RNF32: variants seen among roughly 807,000 people sequenced by gnomAD.
The protein encoded by RNF32 is ring finger protein 32.
A neutral mutation model predicts 41.0 loss-of-function variants in RNF32; 36 were observed. The observed-to-expected ratio is 0.88, with a 90% CI of 0.67 to 1.16. The LOEUF is 1.16. RNF32 is among the 50% of genes most tolerant of loss of function. The pLI, the probability that RNF32 is intolerant of heterozygous loss-of-function variation, is 0.00. For synonymous variants in RNF32, 154 were observed against 160.9 expected (o/e 0.96, Z 0.32); for missense variants, 413 against 436.7 (o/e 0.95, Z 0.48).
rs577991228 is a variant in RNF32 at position 156,659,512 on chromosome 7, C to A, written c.684+942C>A. 375 of 985,316 alleles carry A rather than the reference C, an allele frequency of 3.8e-4. 6 individuals are homozygous for A. The South Asian group carries it at 0.014, about 37-fold the overall frequency. The allele number at this position is 985,316 out of a possible 1,614,324, so 61.0% of individuals were successfully genotyped here. On this transcript the variant is annotated intron_variant, in intron 7 of 8. Coordinates refer to ENST00000317955, the MANE Select transcript of RNF32 (RefSeq NM_030936.4). ...ACAGTCAGTTGTGTTCTCTGGGCTACTCTTAGTAATTTCTAATATGTCATA... is the reference window on the plus strand; with the variant it reads ...ACAGTCAGTTGTGTTCTCTGGGCTAATCTTAGTAATTTCTAATATGTCATA...
rs1011107964 is a variant in RNF32 at position 156,659,104 on chromosome 7, T to C, written c.684+534T>C. On this transcript the variant is annotated intron_variant, in intron 7 of 8. Coordinates refer to ENST00000317955, the MANE Select transcript of RNF32 (RefSeq NM_030936.4). Reference sequence around the variant, plus strand: ...TAGTTTTACTTTTGGGGGACTTATTTAACAATTTCCCATTCCTTGTCCCCA... The same window carrying C: ...TAGTTTTACTTTTGGGGGACTTATTCAACAATTTCCCATTCCTTGTCCCCA... 4 of 1,356,678 alleles carry C rather than the reference T, an allele frequency of 2.9e-6. No individual in the cohort carries two copies. In the Admixed American group the frequency reaches 1.4e-4, roughly 49 times the overall value. 84.0% of individuals were successfully genotyped at this position (1,356,678 alleles called of 1,614,324 possible).
chr7:156,658,894 C>G (rs1477799291), intron 7 of RNF32: 11 of 1,549,404 alleles, frequency 7.1e-6, no homozygotes, highest in East Asian at 2.4e-5. Context: ...TAATTTTTCC[C>G]ATCTCCTGGG....
chr7:156,644,844 A>G, intron 3 of RNF32, 87 bp downstream of exon 3: 1 of 1,357,848 alleles, frequency 7.4e-7, no homozygotes, highest in Non-Finnish European at 1.0e-6. Flanking sequence ...ATGTTACAGA[A>G]ATAACTTATT....
chr7:156,659,932 G>A (rs1800359531), intron 7 of RNF32: 5 of 985,454 alleles, frequency 5.1e-6, no homozygotes, highest in Non-Finnish European at 6.0e-6. Context: ...GATCAAACAA[G>A]TTCCTCAGTT....
At chr7:156,657,276 C>T (rs1002228394) in intron 4 of RNF32, among the ~76,000 whole-genome samples, 25 of 152,046 alleles carry the variant, frequency 1.6e-4, no homozygotes, top group Admixed American at 1.5e-3. Context: ...GTCATTGTTT[C>T]GCTCTTAAGT....
At chr7:156,675,892 G>T in intron 8 of RNF32, 29 bp downstream of exon 8, 1 of 1,602,868 alleles carries the variant, frequency 6.2e-7, no homozygotes. Context: ...CTGGCAACCA[G>T]CAGACTCAGC....
chr7:156,676,994 TTA>T lies in RNF32; in HGVS notation c.*340_*341del. On this transcript the variant is annotated 3_prime_UTR_variant, in exon 9 of 9. Transcript: ENST00000317955. ...GTAAGTTCCAAATGTAAAACACTCCTTAAGTTCCAAATGTTTTCCGCTAATAG... is the reference window on the plus strand; with the variant it reads ...GTAAGTTCCAAATGTAAAACACTCCTAGTTCCAAATGTTTTCCGCTAATAG... 1 of 223,118 alleles carries T rather than the reference TTA, an allele frequency of 4.5e-6. No individual in the cohort carries two copies. The highest frequency in any genetic ancestry group is 9.0e-6 in the Non-Finnish European group (1 of 110,868). The allele number at this position is 223,118 out of a possible 1,614,324, so 13.8% of individuals were successfully genotyped here.
intron 7 of RNF32, among the ~76,000 whole-genome samples, chr7:156,662,300 T>C (rs1489996622): frequency 6.6e-6 from 1 of 152,254 alleles, no homozygotes; most frequent in African/African-American, 2.4e-5. Context: ...GGGAATCCTC[T>C]GAGAAATGTT....
At chr7:156,659,256 T>A in intron 7 of RNF32, 1 of 1,050,428 alleles carries the variant, frequency 9.5e-7, no homozygotes, top group Non-Finnish European at 1.1e-6. Flanking sequence ...GTAGCATTTA[T>A]AATGGCCCAG....
intron 3 of RNF32, 82 bp downstream of exon 3, chr7:156,644,839 A>T: frequency 1.5e-6 from 2 of 1,367,912 alleles, no homozygotes; most frequent in South Asian, 2.6e-5. Flanking sequence ...TTTTTATGTT[A>T]CAGAAATAAC....
chr7:156,646,424 A>G, intron 3 of RNF32: 1 of 1,303,876 alleles, frequency 7.7e-7, no homozygotes, highest in African/African-American at 1.5e-5. Flanking sequence ...TCTAGGTGTG[A>G]TTGTACTCTC....
intron 7 of RNF32, among the ~76,000 whole-genome samples, chr7:156,664,363 A>C (rs1801054698): frequency 6.6e-6 from 1 of 152,222 alleles, no homozygotes; most frequent in African/African-American, 2.4e-5. Flanking sequence ...CAGGAGGCTG[A>C]GGCAGGAGAA....
upstream of RNF32, chr7:156,640,208 G>A (rs1160338958): frequency 2.2e-6 from 1 of 453,574 alleles, no homozygotes; most frequent in Non-Finnish European, 4.4e-6. Flanking sequence ...AGCGGCGCGG[G>A]GGGATCGGGG....
chr7:156,657,485 A>G (rs1799889770), intron 4 of RNF32, 56 bp from the exon 5 acceptor site: 1 of 1,562,142 alleles, frequency 6.4e-7, no homozygotes, highest in Non-Finnish European at 8.8e-7. Flanking sequence ...TAACTGTTGG[A>G]TACATGCTGC....
upstream of RNF32, chr7:156,640,386 C>T (rs1210093790): frequency 1.6e-5 from 7 of 434,490 alleles, no homozygotes; most frequent in Admixed American, 1.3e-4. Flanking sequence ...CCGGGGGCTG[C>T]GGACTACAGC....
chr7:156,646,337 C>T, intron 3 of RNF32: 1 of 1,060,218 alleles, frequency 9.4e-7, no homozygotes, highest in Non-Finnish European at 1.3e-6. Flanking sequence ...CTTACCTTTC[C>T]CTGGTGGTTC....
intron 4 of RNF32, among the ~76,000 whole-genome samples, chr7:156,656,733 C>G (rs1799734416): frequency 6.6e-6 from 1 of 152,232 alleles, no homozygotes; most frequent in Non-Finnish European, 1.5e-5. Flanking sequence ...AAGTCAGATT[C>G]TTGACAAAAA....
intron 3 of RNF32, 129 bp from the exon 4 acceptor site, chr7:156,654,447 T>A: frequency 1.4e-6 from 1 of 734,272 alleles, no homozygotes; most frequent in Non-Finnish European, 2.1e-6. Context: ...CAGCTTCTAT[T>A]GTGAAATAAA....
At chr7:156,676,066 G>A (rs1053041340) in intron 8 of RNF32, among the ~76,000 whole-genome samples, 4 of 152,072 alleles carry the variant, frequency 2.6e-5, no homozygotes, top group African/African-American at 2.4e-5. Context: ...TGTCAGTCCC[G>A]GGGTAACCGC....
Sources: allele counts gnomAD v4.1 joint callset (sites outside exome capture counted in the v4.1 genomes callset), GRCh38; gene constraint gnomAD v4.1.1; transcripts MANE v1.5; gene names NCBI Gene and HGNC (gene_info 2026-07-23, HGNC 2026-07-21).